The following WDR27 variants were observed in gnomAD, a reference collection of about 807,000 sequenced individuals.
WDR27 encodes WD repeat domain 27.
Under a neutral mutation model 114.4 loss-of-function variants are expected in WDR27, and 100 were observed. The observed-to-expected ratio is 0.87, with a 90% CI of 0.74 to 1.03. The LOEUF is 1.03. WDR27 is among the 50% of genes least tolerant of loss of function. The pLI, the probability that WDR27 is intolerant of heterozygous loss-of-function variation, is 0.00. For synonymous variants in WDR27, 449 were observed against 423.1 expected (o/e 1.06, Z -0.75); for missense variants, 1,129 against 1,092.9 (o/e 1.03, Z -0.47).
chr6:169,699,796 A>T (rs1162810811), intron 1 of WDR27, among the ~76,000 whole-genome samples: 1 of 152,180 alleles, frequency 6.6e-6, no homozygotes, highest in Non-Finnish European at 1.5e-5. Flanking sequence ...AGCCTGGGCA[A>T]CATAGTGAGA....
intron 25 of WDR27, among the ~76,000 whole-genome samples, chr6:169,475,456 C>T (rs2115352699): frequency 6.6e-6 from 1 of 152,308 alleles, no homozygotes. Flanking sequence ...CTCCTGACCT[C>T]AGGTGATCCA....
At chr6:169,624,970 CCCGG>C (rs2128205439) in intron 21 of WDR27, among the ~76,000 whole-genome samples, 1 of 152,346 alleles carries the variant, frequency 6.6e-6, no homozygotes, top group Admixed American at 6.5e-5. Flanking sequence ...ACCCTCGGGG[CCCGG>C]CCCATCCACT....
intron 19 of WDR27, among the ~76,000 whole-genome samples, chr6:169,635,654 G>A (rs139322766): frequency 2.6e-5 from 4 of 152,328 alleles, no homozygotes; most frequent in African/African-American, 7.2e-5. Context: ...GTCCCAACCC[G>A]ATGTCCCTCC....
chr6:169,511,959 A>T (rs1776464286), intron 25 of WDR27, among the ~76,000 whole-genome samples: 1 of 152,164 alleles, frequency 6.6e-6, no homozygotes, highest in Non-Finnish European at 1.5e-5. Flanking sequence ...GGGTCTCAGT[A>T]AGGACTTTCA....
At chr6:169,678,392 T>C (rs1780622049) in intron 2 of WDR27, among the ~76,000 whole-genome samples, 1 of 152,212 alleles carries the variant, frequency 6.6e-6, no homozygotes, top group African/African-American at 2.4e-5. Context: ...GGCCTATAGC[T>C]CCTCTCTTTT....
rs542243901 is a variant in WDR27, at chr6:169,688,098, A to G, written c.189+719T>C. Among the ~76,000 whole-genome samples, 4 of 152,344 alleles carry G rather than the reference A, an allele frequency of 2.6e-5. No homozygotes were observed. In the East Asian group the frequency reaches 5.8e-4, roughly 22 times the overall value. ...AAAAAAGGATAAAGTGTCTATTTAC[A>G]TAAGTAGAATGTAATTCTACTTATT... On this transcript the variant is annotated intron_variant, in intron 2 of 25. Transcript: ENST00000448612.
intron 25 of WDR27, among the ~76,000 whole-genome samples, chr6:169,540,867 G>C (rs540386570): frequency 6.6e-6 from 1 of 152,128 alleles, no homozygotes; most frequent in South Asian, 2.1e-4. Context: ...GGTTAGATTA[G>C]TTATTTCCTG....
chr6:169,468,451 T>C (rs1072852), intron 25 of WDR27, among the ~76,000 whole-genome samples: 6,406 of 152,198 alleles, frequency 0.042, 174 homozygotes, highest in Non-Finnish European at 0.065. Flanking sequence ...AGGAGGAGAA[T>C]TGCTGAGAAA....
chr6:169,641,568 G>T (rs1272381881), intron 17 of WDR27, among the ~76,000 whole-genome samples: 2 of 152,184 alleles, frequency 1.3e-5, no homozygotes, highest in African/African-American at 4.8e-5. Flanking sequence ...TGGACCCCGC[G>T]CTGGGGAAGC....
intron 1 of WDR27, among the ~76,000 whole-genome samples, chr6:169,696,458 G>A (rs1163369527): frequency 6.6e-6 from 1 of 152,124 alleles, no homozygotes; most frequent in Non-Finnish European, 1.5e-5. Flanking sequence ...GCACCCAAAC[G>A]TGCACACACA....
In WDR27 at chr6:169,662,390, T is replaced by A. The variant is rs774909185; in HGVS notation, c.939A>T (p.Gly313=). The A allele has an allele frequency of 1.2e-6, 2 of 1,614,038 alleles. No individual in the cohort carries two copies. The highest frequency in any genetic ancestry group is 1.7e-6 in the Non-Finnish European group (2 of 1,179,874). The change falls in exon 9 of 26, where the codon GGA becomes GGT. Residue 313 remains glycine (G), a synonymous_variant. Coordinates refer to ENST00000448612, the MANE Select transcript of WDR27 (RefSeq NM_182552.5). The part of the protein sequence containing the change: ...ESQLPSTSAL[G]KGEQVEVTFP... ...ATGTTACTTCAACCTGCTCTCCTTT[T>A]CCCAGAGCACTTGTAGAGGGAAGCT...
intron 2 of WDR27, among the ~76,000 whole-genome samples, chr6:169,683,729 C>T (rs1240380557): frequency 2.0e-5 from 3 of 152,120 alleles, no homozygotes; most frequent in African/African-American, 7.2e-5. Flanking sequence ...TGGGACTTCC[C>T]CCTGCAAGGA....
chr6:169,493,764 CAT>C (rs943000643), intron 25 of WDR27, among the ~76,000 whole-genome samples: 4 of 152,030 alleles, frequency 2.6e-5, no homozygotes, highest in South Asian at 2.1e-4. Context: ...TTAAATAAGT[CAT>C]ATTTTTGTAT....
intron 21 of WDR27, among the ~76,000 whole-genome samples, chr6:169,625,247 T>C (rs535229995): frequency 1.3e-5 from 2 of 152,206 alleles, no homozygotes; most frequent in African/African-American, 2.4e-5. Context: ...AAGCAAGCAA[T>C]TTTTGAGCAC....
At chr6:169,579,948 A>T (rs1803095941) in intron 24 of WDR27, among the ~76,000 whole-genome samples, 1 of 152,192 alleles carries the variant, frequency 6.6e-6, no homozygotes, top group South Asian at 2.1e-4. Context: ...CTTGTCCTGT[A>T]AAATTCTGAA....
chr6:169,628,242 G>A (rs575693258), intron 21 of WDR27, among the ~76,000 whole-genome samples: 300 of 152,264 alleles, frequency 2.0e-3, no homozygotes, highest in Admixed American at 5.2e-3. Flanking sequence ...CTCATGAGAC[G>A]CTGATCTGCC....
intron 21 of WDR27, among the ~76,000 whole-genome samples, chr6:169,630,337 T>C (rs1050507079): frequency 1.3e-5 from 2 of 152,246 alleles, no homozygotes; most frequent in African/African-American, 2.4e-5. Context: ...CTTTGCTTTC[T>C]GTTGGTAACA....
At chr6:169,463,710 C>A (rs1006583585) in intron 25 of WDR27, among the ~76,000 whole-genome samples, 8 of 152,128 alleles carry the variant, frequency 5.3e-5, no homozygotes, top group Non-Finnish European at 1.0e-4. Context: ...ATAAAGTCAA[C>A]ATGCAAAATC....
At chr6:169,647,639 C>T (rs1821131100) in intron 16 of WDR27, 134 bp downstream of exon 16, 2 of 832,044 alleles carry the variant, frequency 2.4e-6, no homozygotes, top group African/African-American at 1.7e-5. Flanking sequence ...ACAAACCATG[C>T]CATGCAACTT....
Sources: allele counts gnomAD v4.1 joint callset (sites outside exome capture counted in the v4.1 genomes callset), GRCh38; gene constraint gnomAD v4.1.1; transcripts MANE v1.5; gene names NCBI Gene and HGNC (gene_info 2026-07-23, HGNC 2026-07-21).